The following DNAH14 variants were observed in gnomAD, a reference collection of about 807,000 sequenced individuals.
DNAH14 encodes the protein axonemal beta dynein heavy chain 14.
DNAH14 carries 478 observed loss-of-function variants against 520.9 expected under a neutral mutation model. The ratio of observed to expected loss-of-function variants is 0.92; its 90% CI spans 0.85 to 0.99. The LOEUF (loss-of-function observed/expected upper bound fraction) is 0.99, where lower values mean the gene tolerates loss of function less well. DNAH14 is among the 50% of genes least tolerant of loss of function. The pLI is 0.00. For synonymous variants in DNAH14, 1,581 were observed against 1,757.2 expected, an observed-to-expected ratio of 0.90 and a Z score of 2.51; for missense variants, 4,831 against 5,234.5, an observed-to-expected ratio of 0.92 and a Z score of 2.38.
At chr1:225,187,174 T>C (rs1156572485) in intron 37 of DNAH14, among the ~76,000 whole-genome samples, 1 of 151,838 alleles carries the variant, frequency 6.6e-6, no homozygotes, top group Non-Finnish European at 1.5e-5. Flanking sequence ...TTCACACACA[T>C]GAGATAAACC....
chr1:225,214,166 CAT>C lies in DNAH14; in HGVS notation c.6439+6947_6439+6948del, dbSNP rs1451306243. On this transcript the variant is annotated intron_variant, in intron 41 of 85. Transcript: ENST00000682510. ...CCTTTTCTGTATCTATTGAGATAATCATGTGGTTTTTGTCTTTGGTTCTGTTT... is the reference window on the plus strand; with the variant it reads ...CCTTTTCTGTATCTATTGAGATAATCGTGGTTTTTGTCTTTGGTTCTGTTT... Among the ~76,000 whole-genome samples, 30 of 152,220 alleles carry C rather than the reference CAT, an allele frequency of 2.0e-4. 1 individual carries two copies. Among genetic ancestry groups the C allele is most frequent in the African/African-American group, 6.3e-4 (26 of 41,540 alleles).
intron 10 of DNAH14, among the ~76,000 whole-genome samples, chr1:225,022,252 G>C (rs980310757): frequency 6.6e-6 from 1 of 152,092 alleles, no homozygotes. Context: ...TTGATAAGTG[G>C]GACCTAATGA....
chr1:224,964,475 C>A lies in DNAH14; in HGVS notation c.368-4C>A. 1 of 1,605,806 alleles carries A rather than the reference C, an allele frequency of 6.2e-7. No homozygotes were observed. The highest frequency in any genetic ancestry group is 1.1e-5 in the South Asian group (1 of 89,258). On this transcript the variant is annotated splice_region_variant and splice_polypyrimidine_tract_variant and intron_variant, in intron 4 of 85. Coordinates refer to ENST00000682510, the MANE Select transcript of DNAH14 (RefSeq NM_001367479.1). ...TACTGGATTTTTAAATTGTTCTATA[C>A]CAGAACCAAAAGATGATGATGTGAT...
intron 15 of DNAH14, among the ~76,000 whole-genome samples, chr1:225,048,777 T>C (rs551058326): frequency 1.3e-5 from 2 of 152,272 alleles, no homozygotes; most frequent in African/African-American, 4.8e-5. Flanking sequence ...ATTATGAGAA[T>C]GGCCAGACTG....
Position 225,346,246 on chromosome 1 carries a change from A to T in DNAH14, c.10963A>T (p.Arg3655Trp). Reference protein sequence around the residue: ...KSKEQEHSFKREKVSPKEVHE... With the variant: ...KSKEQEHSFKWEKVSPKEVHE... ...CAAAGAACAAGAACATAGTTTTAAA[A>T]GGGAGAAAGTGTCTCCAAAAGAAGT... The change falls in exon 70 of 86, where the codon AGG (arginine) becomes TGG (tryptophan). Residue 3655 changes from arginine to tryptophan, a missense_variant. Transcript: ENST00000682510. The T allele has an allele frequency of 1.9e-6, 3 of 1,551,584 alleles. No homozygotes were observed. Among genetic ancestry groups the T allele is most frequent in the Non-Finnish European group, 2.6e-6 (3 of 1,146,950 alleles).
intron 55 of DNAH14, among the ~76,000 whole-genome samples, chr1:225,296,849 G>A (rs1056125057): frequency 2.0e-5 from 3 of 152,126 alleles, no homozygotes; most frequent in African/African-American, 7.2e-5. Context: ...GAAATCTGCT[G>A]TTGTTCTGCT....
chr1:225,365,427 C>T (rs2095540599), intron 76 of DNAH14, among the ~76,000 whole-genome samples: 1 of 152,130 alleles, frequency 6.6e-6, no homozygotes, highest in Admixed American at 6.5e-5. Flanking sequence ...ATGGCATAGG[C>T]AGAAGGGGGT....
intron 23 of DNAH14, among the ~76,000 whole-genome samples, chr1:225,103,746 C>T (rs2075742290): frequency 6.6e-6 from 1 of 152,110 alleles, no homozygotes; most frequent in Non-Finnish European, 1.5e-5. Flanking sequence ...ATTTTGTATC[C>T]TGAGACTTTA....
intron 8 of DNAH14, among the ~76,000 whole-genome samples, chr1:224,995,770 C>T (rs1170163247): frequency 6.6e-6 from 1 of 152,000 alleles, no homozygotes; most frequent in African/African-American, 2.4e-5. Flanking sequence ...GATAATTTCA[C>T]ATGTTCTGTC....
chr1:225,374,145 CTATATATATA>C (rs71170080), intron 77 of DNAH14, among the ~76,000 whole-genome samples: 496 of 33,048 alleles, frequency 0.015, 56 homozygotes, highest in Non-Finnish European at 0.017. Flanking sequence ...TTGTGTCTTA[CTATATATATA>C]TATATATATA....
In DNAH14 at chr1:225,346,114, G is replaced by T. The variant is rs369673460; in HGVS notation, c.10831G>T (p.Ala3611Ser). ...KNYLPIATRG[A>S]LLYFLVADLT... The stretch of plus-strand genomic sequence containing the variant: ...CTATCTCCCCATTGCGACCCGAGGC[G>T]CCCTGCTCTACTTCCTAGTAGCTGA... Residue 3611 changes from alanine (A) to serine (S), a missense_variant, in exon 70 of 86, where the codon GCC (alanine) becomes TCC (serine). By Grantham distance (99) the Ala-to-Ser change is moderately conservative. Coordinates refer to ENST00000682510, the MANE Select transcript of DNAH14 (RefSeq NM_001367479.1). The T allele has an allele frequency of 1.0e-5, 16 of 1,551,540 alleles. No individual in the cohort carries two copies. The highest frequency in any genetic ancestry group is 1.2e-5 in the Non-Finnish European group (14 of 1,146,984).
intron 54 of DNAH14, among the ~76,000 whole-genome samples, chr1:225,288,451 A>T (rs2093795879): frequency 6.6e-6 from 1 of 152,136 alleles, no homozygotes; most frequent in African/African-American, 2.4e-5. Flanking sequence ...TTAAAAACTA[A>T]CAAGATCTGA....
At chr1:225,318,541 T>C (rs903567050) in intron 60 of DNAH14, 42 bp from the exon 61 acceptor site, 28 of 1,483,558 alleles carry the variant, frequency 1.9e-5, no homozygotes, top group Admixed American at 1.8e-4. Context: ...TATGCAACTA[T>C]ATTGATTCAT....
chr1:225,127,084 A>G (rs1311361556), intron 27 of DNAH14, among the ~76,000 whole-genome samples: 3 of 151,614 alleles, frequency 2.0e-5, no homozygotes, highest in East Asian at 3.9e-4. Flanking sequence ...AGTTTGTTAT[A>G]ATTTCTGTTC....
chr1:225,380,145 G>C lies in DNAH14; in HGVS notation c.12717-14G>C, dbSNP rs781347639. 1.2e-5 allele frequency: 18 copies of C among 1,540,456 alleles called. No individual in the cohort carries two copies. Among genetic ancestry groups the C allele is most frequent in the Admixed American group, 2.1e-5 (1 of 48,472 alleles). On this transcript the variant is annotated splice_polypyrimidine_tract_variant and intron_variant, in intron 79 of 85. Coordinates refer to ENST00000682510, the MANE Select transcript of DNAH14 (RefSeq NM_001367479.1). ...CTGTTCTGTGTCTCATTCTTCTCTT[G>C]GTTTTTTTTGCAGACCTGAGCAGAG...
At chr1:225,116,981 G>A (rs1012425148) in intron 23 of DNAH14, among the ~76,000 whole-genome samples, 7 of 152,122 alleles carry the variant, frequency 4.6e-5, no homozygotes, top group South Asian at 2.1e-4. Flanking sequence ...AGTAGCTAAA[G>A]GAGAACAAAG....
chr1:225,205,245 G>A (rs2087381483), intron 39 of DNAH14, among the ~76,000 whole-genome samples: 1 of 152,106 alleles, frequency 6.6e-6, no homozygotes, highest in African/African-American at 2.4e-5. Context: ...GGGGGCCTTG[G>A]GGAGTTGATT....
intron 41 of DNAH14, among the ~76,000 whole-genome samples, chr1:225,211,877 T>A (rs540819680): frequency 4.2e-4 from 32 of 76,270 alleles, no homozygotes; most frequent in African/African-American, 2.0e-3. Flanking sequence ...ACCCAGAATT[T>A]ATTTATTTAT....
In DNAH14 at chr1:225,155,775, G is replaced by A. The variant is rs568954724; in HGVS notation, c.5273+1949G>A. 1.5e-4 allele frequency among the ~76,000 whole-genome samples: 23 copies of A among 152,218 alleles called. No individual in the cohort carries two copies. The South Asian group carries it at 3.7e-3, about 25-fold the overall frequency. On this transcript the variant is annotated intron_variant, in intron 34 of 85. Coordinates refer to ENST00000682510, the MANE Select transcript of DNAH14 (RefSeq NM_001367479.1). ...AGCTCCCTTCTCTCTAGTCTGTGCT[G>A]CCCTAAATGTGACAGCCCCATTTCT...
Sources: gnomAD v4.1 joint callset for allele counts (sites outside exome capture counted in the v4.1 genomes callset) on GRCh38, gnomAD v4.1.1 for gene constraint, MANE v1.5 for transcripts, NCBI Gene and HGNC (gene_info 2026-07-23, HGNC 2026-07-21) for gene names.